The following TULP4 variants were observed in gnomAD, a reference collection of about 807,000 sequenced individuals.
TULP4 encodes the protein tubby-related protein 4.
TULP4 carries 16 observed loss-of-function variants against 129.0 expected under a neutral mutation model. The ratio of observed to expected loss-of-function variants is 0.12; its 90% CI spans 0.08 to 0.19. TULP4 has a LOEUF of 0.19. TULP4 is among the 10% of genes least tolerant of loss of function. The pLI is 1.00. For missense variants in TULP4, 1,842 were observed against 2,059.1 expected (o/e 0.89, Z 2.04); for synonymous variants, 998 against 854.0 (o/e 1.17, Z -2.94).
chr6:158,335,570 C>T (rs1356380464), intron 1 of TULP4, among the ~76,000 whole-genome samples: 1 of 152,184 alleles, frequency 6.6e-6, no homozygotes, highest in African/African-American at 2.4e-5. Context: ...ACTTCATCCA[C>T]CCATCTTGTA....
intron 4 of TULP4, among the ~76,000 whole-genome samples, chr6:158,450,480 G>A (rs764254625): frequency 3.7e-4 from 56 of 152,290 alleles, no homozygotes; most frequent in Non-Finnish European, 6.0e-4. Flanking sequence ...TTAGGAGAAG[G>A]CATTCACACA....
At chr6:158,474,942 T>C (rs7759723) in intron 6 of TULP4, among the ~76,000 whole-genome samples, 91,047 of 152,106 alleles carry the variant, frequency 0.6, 27,893 homozygotes, top group African/African-American at 0.73. Flanking sequence ...ATGTAAGCTC[T>C]ACAAGGGCAG....
At chr6:158,296,104 T>C (rs756209945) in intron 1 of TULP4, among the ~76,000 whole-genome samples, 7 of 152,220 alleles carry the variant, frequency 4.6e-5, no homozygotes, top group Non-Finnish European at 1.0e-4. Flanking sequence ...ATATTATAGG[T>C]ATTCTTTCAT....
In TULP4 at chr6:158,461,720, T is replaced by A. The variant is rs1779432341; in HGVS notation, c.1017T>A (p.Thr339=). ...GGGAGCACATCTTCACACTGGACAC[T>A]CTCGTGCAGGTAAGGATGTTCTCTG... ...VRGEHIFTLD[T]LVQRPIISIC... is the part of the protein sequence containing the mutation. The change falls in exon 6 of 14, where the codon ACT becomes ACA. Residue 339 remains threonine (T), a synonymous_variant. Coordinates refer to ENST00000367097, the MANE Select transcript of TULP4 (RefSeq NM_020245.5). The A allele has an allele frequency of 6.2e-7, 1 of 1,613,936 alleles. No individual in the cohort carries two copies. The highest frequency in any genetic ancestry group is 1.3e-5 in the African/African-American group (1 of 74,920).
intron 1 of TULP4, among the ~76,000 whole-genome samples, chr6:158,317,480 T>G (rs1018503297): frequency 8.3e-6 from 1 of 120,130 alleles, no homozygotes; most frequent in East Asian, 2.6e-4. Context: ...TTCATGTCCC[T>G]GCAAAGGACA....
In TULP4 at chr6:158,502,478, A is replaced by G. The variant is rs368409909; in HGVS notation, c.2815A>G (p.Ser939Gly). Residue 939 changes from serine to glycine, a missense_variant, in exon 13 of 14, where the codon AGC (serine) becomes GGC (glycine). Ser to Gly is a moderately conservative substitution (Grantham distance 56). Coordinates refer to ENST00000367097, the MANE Select transcript of TULP4 (RefSeq NM_020245.5). ...TGAGAAGAAGGTCCCTCAGCCCTGC[A>G]GCAGTGCCACCCTGAACCGCCTGAC... ...ATEKKVPQPCSSATLNRLTVP... is the reference protein window; with the variant it reads ...ATEKKVPQPCGSATLNRLTVP... 1.2e-6 allele frequency: 2 copies of G among 1,612,956 alleles called. No homozygotes were observed. The highest frequency in any genetic ancestry group is 1.7e-6 in the Non-Finnish European group (2 of 1,179,816).
At position 158,423,130 on chromosome 6, in the gene TULP4, G is replaced by T. The variant is rs993687995; in HGVS notation, c.382-6606G>T. On this transcript the variant is annotated intron_variant, in intron 2 of 13. Transcript: ENST00000367097. ...CTTCCTCCACAAAAAAGAGGGGGGG[G>T]GGGGGAAAGAAACCTTCCCAGGACC... Among the ~76,000 whole-genome samples, 16 of 151,274 alleles carry T rather than the reference G, an allele frequency of 1.1e-4. No individual in the cohort carries two copies. The South Asian group carries it at 2.1e-3, about 20-fold the overall frequency.
At chr6:158,237,672 T>C (rs1350519595) in intron 1 of TULP4, 3 of 1,201,348 alleles carry the variant, frequency 2.5e-6, no homozygotes, top group Non-Finnish European at 3.7e-6. Flanking sequence ...TAGGCAATTT[T>C]CCCTTCTTTT....
intron 8 of TULP4, among the ~76,000 whole-genome samples, chr6:158,481,771 T>C (rs1223600770): frequency 1.3e-5 from 2 of 152,348 alleles, no homozygotes; most frequent in East Asian, 3.9e-4. Context: ...AATGTTTTGC[T>C]CATCCATAAA....
At chr6:158,420,484 G>A (rs1452754129) in intron 2 of TULP4, among the ~76,000 whole-genome samples, 1 of 152,076 alleles carries the variant, frequency 6.6e-6, no homozygotes, top group South Asian at 2.1e-4. Flanking sequence ...TCTGTTTTTT[G>A]TTTTGTTTTG....
Position 158,461,627 on chromosome 6 carries a change from C to G in TULP4, c.924C>G (p.Thr308=), listed in dbSNP as rs1434817161. Residue 308 remains threonine, a synonymous_variant, in exon 6 of 14, where the codon ACC becomes ACG. Transcript: ENST00000367097. ...CAGTCGCTGGGATGGAACGGCAGAC[C>G]CAGCTTGGTGAGCTTCCCAATGGTC... ...LLAVAGMERQ[T]QLGELPNGPL... is the part of the protein sequence containing the mutation. The G allele has an allele frequency of 6.2e-7, 1 of 1,613,990 alleles. No individual in the cohort carries two copies. The highest frequency in any genetic ancestry group is 1.7e-5 in the Admixed American group (1 of 60,010).
At position 158,414,970 on chromosome 6, in the gene TULP4, C is replaced by T. The variant is rs527459603; in HGVS notation, c.381+1777C>T. On this transcript the variant is annotated intron_variant, in intron 2 of 13. Coordinates refer to ENST00000367097, the MANE Select transcript of TULP4 (RefSeq NM_020245.5). ...TGGGTGGTAAGCCAGAACTCAAACCCTAGTTTGTTTGAGTCTGTAATGCTC... is the reference window on the plus strand; with the variant it reads ...TGGGTGGTAAGCCAGAACTCAAACCTTAGTTTGTTTGAGTCTGTAATGCTC... Among the ~76,000 whole-genome samples, 218 of 152,284 alleles carry T rather than the reference C, an allele frequency of 1.4e-3. 1 individual carries two copies. Among genetic ancestry groups the T allele is most frequent in the Middle Eastern group, 3.4e-3 (1 of 294 alleles).
At chr6:158,440,079 A>G (rs1778851415) in intron 3 of TULP4, among the ~76,000 whole-genome samples, 1 of 151,844 alleles carries the variant, frequency 6.6e-6, no homozygotes, top group South Asian at 2.1e-4. Context: ...TAATTCCAGC[A>G]CTTTGGGAGA....
intron 1 of TULP4, among the ~76,000 whole-genome samples, chr6:158,258,382 T>C (rs527943367): frequency 6.6e-6 from 1 of 152,350 alleles, no homozygotes; most frequent in East Asian, 1.9e-4. Flanking sequence ...ACAACATGGC[T>C]GCCAGCCCCA....
chr6:158,369,577 T>C (rs1777027060), intron 1 of TULP4, among the ~76,000 whole-genome samples: 1 of 152,116 alleles, frequency 6.6e-6, no homozygotes, highest in South Asian at 2.1e-4. Flanking sequence ...GAGCATTCAT[T>C]TGGGTGGAAA....
upstream of TULP4, among the ~76,000 whole-genome samples, chr6:158,308,218 G>A (rs1284090542): frequency 2.1e-5 from 2 of 96,006 alleles, no homozygotes; most frequent in African/African-American, 7.0e-5. Flanking sequence ...CGAGCATGCT[G>A]CCTTCAAGCA....
intron 1 of TULP4, among the ~76,000 whole-genome samples, chr6:158,359,923 C>T (rs1389067284): frequency 6.6e-6 from 1 of 152,178 alleles, no homozygotes; most frequent in East Asian, 1.9e-4. Context: ...CTGTTCTGCT[C>T]TTGCCCATTC....
At chr6:158,248,953 A>G (rs892076065) in intron 1 of TULP4, among the ~76,000 whole-genome samples, 6 of 151,960 alleles carry the variant, frequency 3.9e-5, no homozygotes, top group Non-Finnish European at 7.4e-5. Flanking sequence ...GACCTACTTC[A>G]TCACTGCAAC....
intron 12 of TULP4, among the ~76,000 whole-genome samples, chr6:158,500,972 A>G (rs1224161698): frequency 6.6e-6 from 1 of 152,138 alleles, no homozygotes; most frequent in African/African-American, 2.4e-5. Context: ...AGGCAGGAGA[A>G]TCACTTGAAC....
Sources: gnomAD v4.1 joint callset for allele counts (sites outside exome capture counted in the v4.1 genomes callset) on GRCh38, gnomAD v4.1.1 for gene constraint, MANE v1.5 for transcripts, NCBI Gene and HGNC (gene_info 2026-07-23, HGNC 2026-07-21) for gene names.